The following IL1RAPL1 variants were observed in gnomAD, a reference collection of about 807,000 sequenced individuals.
The protein encoded by IL1RAPL1 is interleukin 1 receptor accessory protein like 1, also known as interleukin-1 receptor accessory protein-like 1.
Under a neutral mutation model 48.4 loss-of-function variants are expected in IL1RAPL1, and 3 were observed. The ratio of observed to expected loss-of-function variants is 0.06; its 90% confidence interval spans 0.03 to 0.16. The LOEUF (loss-of-function observed/expected upper bound fraction) is 0.16. Among genes scored for constraint, IL1RAPL1 ranks in the 10% least tolerant of loss-of-function variants. The pLI is 1.00. For missense variants in IL1RAPL1, 349 were observed against 530.6 expected (o/e 0.66, Z 3.36); for synonymous variants, 185 against 187.7 (o/e 0.99, Z 0.12).
intron 3 of IL1RAPL1, among the ~76,000 whole-genome samples, chrX:29,289,908 T>C (rs992659749): frequency 1.8e-5 from 2 of 112,550 alleles, no homozygotes; most frequent in African/African-American, 6.4e-5. Context: ...GTTAACATTT[T>C]AAAAACATAT....
chrX:29,565,595 T>C (rs1922373598), intron 5 of IL1RAPL1, among the ~76,000 whole-genome samples: 2 of 112,168 alleles, frequency 1.8e-5, no homozygotes, highest in South Asian at 7.2e-4. Context: ...TATGTACTAT[T>C]TTCTACTCAC....
chrX:29,550,516 T>A (rs902817965), intron 5 of IL1RAPL1, among the ~76,000 whole-genome samples: 2 of 112,181 alleles, frequency 1.8e-5, no homozygotes, highest in African/African-American at 3.2e-5. Context: ...GTAAAGTATA[T>A]GTATTCCAGA....
At chrX:29,812,433 G>C (rs1053324293) in intron 6 of IL1RAPL1, among the ~76,000 whole-genome samples, 2 of 111,099 alleles carry the variant, frequency 1.8e-5, no homozygotes, top group African/African-American at 6.5e-5. Flanking sequence ...CAACGAAATG[G>C]CTTTTAAAAG....
intron 5 of IL1RAPL1, among the ~76,000 whole-genome samples, chrX:29,645,791 C>A: frequency 8.9e-6 from 1 of 112,031 alleles, no homozygotes; most frequent in Non-Finnish European, 1.9e-5. Flanking sequence ...CCATAGGATT[C>A]TAGCCCTATG....
At chrX:29,059,046 A>G (rs139008632) in intron 2 of IL1RAPL1, among the ~76,000 whole-genome samples, 122 of 112,318 alleles carry the variant, frequency 1.1e-3, no homozygotes, top group African/African-American at 3.8e-3. Context: ...CAGAGCAGAA[A>G]CTTTGCTTGT....
chrX:29,868,961 C>A (rs776108885), intron 6 of IL1RAPL1, among the ~76,000 whole-genome samples: 3 of 111,904 alleles, frequency 2.7e-5, no homozygotes, highest in Non-Finnish European at 5.6e-5. Context: ...AGGTTTTGGA[C>A]TACGTCCTCT....
At chrX:29,012,165 C>T (rs1926137589) in intron 2 of IL1RAPL1, among the ~76,000 whole-genome samples, 1 of 111,955 alleles carries the variant, frequency 8.9e-6, no homozygotes, top group Non-Finnish European at 1.9e-5. Flanking sequence ...TTTTGTTGAA[C>T]CAAAATAAAC....
chrX:29,090,260 G>T (rs1255815314), intron 2 of IL1RAPL1, among the ~76,000 whole-genome samples: 1 of 111,643 alleles, frequency 9.0e-6, no homozygotes, highest in Non-Finnish European at 1.9e-5. Context: ...ATGTTAAACA[G>T]ATATGTTTTT....
At chrX:29,864,692 A>C (rs1293999462) in intron 6 of IL1RAPL1, among the ~76,000 whole-genome samples, 1 of 112,001 alleles carries the variant, frequency 8.9e-6, no homozygotes, top group African/African-American at 3.2e-5. Flanking sequence ...GGCTCCTGAT[A>C]GCCTAATTAG....
intron 2 of IL1RAPL1, among the ~76,000 whole-genome samples, chrX:29,191,719 A>G (rs751105165): frequency 9.0e-6 from 1 of 111,467 alleles, no homozygotes; most frequent in South Asian, 3.8e-4. Context: ...GGCGCTTCAG[A>G]GGTAGCACCG....
At chrX:29,954,477 T>A in intron 9 of IL1RAPL1, 45 bp from the exon 10 acceptor site, 1 of 1,071,606 alleles carries the variant, frequency 9.3e-7, no homozygotes, top group Non-Finnish European at 1.3e-6. Context: ...TATTGTTATC[T>A]TTGTAGAGTA....
At chrX:29,192,733 C>T (rs1294153491) in intron 2 of IL1RAPL1, among the ~76,000 whole-genome samples, 1 of 111,493 alleles carries the variant, frequency 9.0e-6, no homozygotes, top group Non-Finnish European at 1.9e-5. Context: ...TAATATAAAA[C>T]AGACAAAAAA....
rs755668636 is a variant in IL1RAPL1, at chrX:29,703,492, G to A, written c.778+34988G>A. ...CAAGTAGCTGGGACTACAGGCGCCC[G>A]CCACCACGCCCTGCTAATTTTTTGT... On this transcript the variant is annotated intron_variant, in intron 6 of 10. Coordinates refer to ENST00000378993, the MANE Select transcript of IL1RAPL1 (RefSeq NM_014271.4). 5.8e-4 allele frequency among the ~76,000 whole-genome samples: 64 copies of A among 110,275 alleles called. 2 individuals are homozygous for A. In the South Asian group the frequency reaches 0.022, roughly 37 times the overall value.
intron 5 of IL1RAPL1, among the ~76,000 whole-genome samples, chrX:29,586,501 A>T (rs1372936981): frequency 8.9e-6 from 1 of 111,811 alleles, no homozygotes; most frequent in Non-Finnish European, 1.9e-5. Flanking sequence ...ATTTTCTTTC[A>T]AGACTGATTT....
chrX:29,793,714 T>C (rs750105925), intron 6 of IL1RAPL1, among the ~76,000 whole-genome samples: 1 of 112,415 alleles, frequency 8.9e-6, no homozygotes, highest in South Asian at 3.7e-4. Context: ...AAATATTTAG[T>C]CAATGAGTGA....
intron 2 of IL1RAPL1, among the ~76,000 whole-genome samples, chrX:29,273,841 A>G (rs761393882): frequency 2.4e-4 from 26 of 106,330 alleles, no homozygotes; most frequent in Admixed American, 1.0e-3. Context: ...GAGTGGGGGC[A>G]TGGTGGGGGT....
chrX:29,867,909 G>A (rs1000505296), intron 6 of IL1RAPL1, among the ~76,000 whole-genome samples: 2 of 111,931 alleles, frequency 1.8e-5, no homozygotes, highest in African/African-American at 6.5e-5. Flanking sequence ...TTATAATTTA[G>A]TTGCTGTTTG....
At chrX:29,389,120 G>A (rs1168827070) in intron 3 of IL1RAPL1, among the ~76,000 whole-genome samples, 4 of 110,893 alleles carry the variant, frequency 3.6e-5, no homozygotes. Context: ...ACTTTGGGAG[G>A]CCGAGGCAGG....
chrX:29,399,841 T>C (rs905652785), intron 5 of IL1RAPL1, among the ~76,000 whole-genome samples: 6 of 106,290 alleles, frequency 5.6e-5, no homozygotes, highest in Admixed American at 5.0e-4. Flanking sequence ...AAAAAAGAAA[T>C]GTTAGCTTTT....
Sources: gnomAD v4.1 joint callset for allele counts (sites outside exome capture counted in the v4.1 genomes callset) on GRCh38, gnomAD v4.1.1 for gene constraint, MANE v1.5 for transcripts, NCBI Gene and HGNC (gene_info 2026-07-23, HGNC 2026-07-21) for gene names.